The following ATP11C variants were observed in gnomAD, a reference collection of about 807,000 sequenced individuals.
The protein encoded by ATP11C is ATPase phospholipid transporting 11C (ATP11C blood group), also known as phospholipid-transporting ATPase IG.
ATP11C carries 36 observed loss-of-function variants against 97.4 expected under a neutral mutation model. The observed-to-expected ratio is 0.37, with a 90% confidence interval of 0.28 to 0.49. The LOEUF (loss-of-function observed/expected upper bound fraction) is 0.49, where lower values mean the gene tolerates loss of function less well. Among genes scored for constraint, ATP11C ranks in the 20% least tolerant of loss-of-function variants. The pLI, the probability that ATP11C is intolerant of heterozygous loss-of-function variation, is 0.98. For synonymous variants in ATP11C, 275 were observed against 290.9 expected (o/e 0.95, Z 0.56); for missense variants, 730 against 824.6 (o/e 0.89, Z 1.40).
Position 139,804,576 on chromosome X carries a change from CT to C in ATP11C, c.449del (p.Gln150ArgfsTer97). 8.4e-7 allele frequency: 1 copy of C among 1,192,463 alleles called. No homozygotes were observed. The highest frequency in any genetic ancestry group is 1.1e-6 in the Non-Finnish European group (1 of 883,898). On this transcript the variant is annotated frameshift_variant, in exon 6 of 30. Coordinates refer to ENST00000682941, the MANE Select transcript of ATP11C (RefSeq NM_001353812.2). LOFTEE classifies it high-confidence loss of function. ...KIKVGDVVEV[Q>X]ADETFPCDLI... ...GATCACAGGGAAAGGTTTCATCTGC[CT>C]GTACTTCTACTACATCACCAACCTG...
In ATP11C at chrX:139,743,534, AT is replaced by A. The variant is rs1171564961; in HGVS notation, c.3030+24del. ...AGTATTATAAAAACAGTATTAAAAAATACATGAATAAGTAAAAATCTAACCT... is the reference window on the plus strand; with the variant it reads ...AGTATTATAAAAACAGTATTAAAAAAACATGAATAAGTAAAAATCTAACCT... On this transcript the variant is annotated intron_variant, in intron 26 of 29. Transcript: ENST00000682941. The A allele has an allele frequency of 2.9e-6, 3 of 1,030,782 alleles. No individual in the cohort carries two copies. In the South Asian group the frequency reaches 6.4e-5, roughly 22 times the overall value. The allele number at this position is 1,030,782 out of a possible 1,213,427, so 84.9% of individuals were successfully genotyped here.
chrX:139,841,048 G>A (rs1329562476), intron 1 of ATP11C, among the ~76,000 whole-genome samples: 1 of 112,251 alleles, frequency 8.9e-6, no homozygotes, highest in Admixed American at 9.4e-5. Context: ...TGCCAAAGCC[G>A]TCAAAGGACA....
chrX:139,777,207 T>C (rs1386429206), intron 18 of ATP11C, among the ~76,000 whole-genome samples: 2 of 110,248 alleles, frequency 1.8e-5, no homozygotes, highest in Non-Finnish European at 3.8e-5. Flanking sequence ...AAATGACAGA[T>C]AAGGAATTCA....
intron 1 of ATP11C, among the ~76,000 whole-genome samples, chrX:139,865,533 G>A (rs958142336): frequency 3.6e-5 from 4 of 111,019 alleles, no homozygotes; most frequent in South Asian, 3.8e-4. Context: ...AGGCCGAGGC[G>A]GGCGGATCAC....
At chrX:139,886,905 TA>T (rs201511379) in intron 1 of ATP11C, among the ~76,000 whole-genome samples, 35 of 103,735 alleles carry the variant, frequency 3.4e-4, no homozygotes, top group African/African-American at 4.5e-4. Flanking sequence ...AACAATTTTG[TA>T]AAAAAAAAAA....
At chrX:139,911,341 A>G (rs2085071350) in intron 1 of ATP11C, among the ~76,000 whole-genome samples, 1 of 111,977 alleles carries the variant, frequency 8.9e-6, no homozygotes. Flanking sequence ...TAAGGAGAGA[A>G]ACATAAATGG....
chrX:139,752,359 C>CA (rs2081839076), intron 23 of ATP11C, among the ~76,000 whole-genome samples: 2 of 111,906 alleles, frequency 1.8e-5, no homozygotes, highest in East Asian at 5.6e-4. Flanking sequence ...GCAATATTCT[C>CA]AGCACTTAGC....
chrX:139,874,845 C>T (rs774498480), intron 1 of ATP11C, among the ~76,000 whole-genome samples: 69 of 112,106 alleles, frequency 6.2e-4, no homozygotes, highest in African/African-American at 2.2e-3. Context: ...ATCTGCTCTA[C>T]AGTGAGGCTT....
rs758853398 is a variant in ATP11C at position 139,827,649 on chromosome X, A to G, written c.28-826T>C. Among the ~76,000 whole-genome samples, 4 of 111,793 alleles carry G rather than the reference A, an allele frequency of 3.6e-5. No homozygotes were observed. The South Asian group carries it at 1.5e-3, about 42-fold the overall frequency. On this transcript the variant is annotated intron_variant, in intron 1 of 29. Transcript: ENST00000682941. ...TACCATATCTGAGACTACCACATATATAAGTCAAAGGATGCATGACAGAAA... is the reference window on the plus strand; with the variant it reads ...TACCATATCTGAGACTACCACATATGTAAGTCAAAGGATGCATGACAGAAA...
At chrX:139,792,660 A>C (rs1407359467) in intron 12 of ATP11C, among the ~76,000 whole-genome samples, 2 of 111,028 alleles carry the variant, frequency 1.8e-5, no homozygotes, top group Non-Finnish European at 3.8e-5. Context: ...TCAGGAAAAA[A>C]CTTCACATAC....
rs141053445 is a variant in ATP11C, at chrX:139,814,934, T to C, written c.370A>G (p.Thr124Ala). ...HRADNEVNKS[T>A]VYIIENAKRV... is the part of the protein sequence containing the mutation. ...TTTGCATTTTCAATAATGTAAACAGTGCTTTTGTTGACTTCATTGTCAGCT... is the reference window on the plus strand; with the variant it reads ...TTTGCATTTTCAATAATGTAAACAGCGCTTTTGTTGACTTCATTGTCAGCT... The change falls in exon 5 of 30, where the codon ACT (threonine) becomes GCT (alanine). Residue 124 changes from threonine to alanine, a missense_variant. Coordinates refer to ENST00000682941, the MANE Select transcript of ATP11C (RefSeq NM_001353812.2). 3.1e-5 allele frequency: 37 copies of C among 1,184,723 alleles called. No individual in the cohort carries two copies. Among genetic ancestry groups the C allele is most frequent in the Non-Finnish European group, 4.1e-5 (36 of 883,117 alleles).
At chrX:139,800,221 CTG>C (rs2082898481) in intron 7 of ATP11C, 111 bp from the exon 8 acceptor site, 3 of 551,041 alleles carry the variant, frequency 5.4e-6, no homozygotes, top group Non-Finnish European at 3.0e-6. Flanking sequence ...ATAGATAAAA[CTG>C]TGAATGAACT....
At chrX:139,881,309 A>G (rs1250449024) in intron 1 of ATP11C, among the ~76,000 whole-genome samples, 1 of 111,590 alleles carries the variant, frequency 9.0e-6, no homozygotes, top group Non-Finnish European at 1.9e-5. Context: ...CTGGGCTAAA[A>G]GGAGTGCCTG....
At chrX:139,924,066 G>C (rs1235700062) in intron 1 of ATP11C, 1 of 346,375 alleles carries the variant, frequency 2.9e-6, no homozygotes, top group East Asian at 7.8e-5. Context: ...TGATGCAAAT[G>C]AGTATTAGGA....
chrX:139,884,082 T>G (rs994677826), intron 1 of ATP11C, among the ~76,000 whole-genome samples: 3 of 112,008 alleles, frequency 2.7e-5, no homozygotes, highest in African/African-American at 9.7e-5. Context: ...AGCAGCACTT[T>G]TGGCTGGAAG....
At chrX:139,808,120 T>C (rs928533670) in intron 5 of ATP11C, among the ~76,000 whole-genome samples, 2 of 111,384 alleles carry the variant, frequency 1.8e-5, no homozygotes, top group East Asian at 5.7e-4. Context: ...TTCCTTCAAC[T>C]AGTGGACTGG....
In ATP11C at chrX:139,797,050, G is replaced by T; in HGVS notation, c.1008+126C>A. ...ATCTTCTTAAATATTTATTGGCTTA[G>T]AGCCACCATGTAATCGAGAGAAAAT... On this transcript the variant is annotated intron_variant, in intron 11 of 29. Transcript: ENST00000682941. 7.8e-6 allele frequency: 4 copies of T among 510,397 alleles called. No individual in the cohort carries two copies. The Middle Eastern group carries it at 1.1e-3, about 135-fold the overall frequency. The allele number at this position is 510,397 out of a possible 1,213,427, so 42.1% of individuals were successfully genotyped here.
chrX:139,895,148 C>T (rs1463511893), intron 1 of ATP11C, among the ~76,000 whole-genome samples: 1 of 112,899 alleles, frequency 8.9e-6, no homozygotes, highest in Admixed American at 9.4e-5. Context: ...TAATGTAAAC[C>T]TAAATATCCT....
intron 28 of ATP11C, chrX:139,737,656 T>G (rs1040649873): frequency 3.9e-6 from 1 of 253,383 alleles, no homozygotes; most frequent in Non-Finnish European, 7.4e-6. Flanking sequence ...CTTTTAAAAT[T>G]CCATATGGAG....
Sources: allele counts gnomAD v4.1 joint callset (sites outside exome capture counted in the v4.1 genomes callset), GRCh38; gene constraint gnomAD v4.1.1; transcripts MANE v1.5; gene names NCBI Gene and HGNC (gene_info 2026-07-23, HGNC 2026-07-21).